ANXA6: variants seen among roughly 807,000 people sequenced by gnomAD.
ANXA6 encodes annexin A6.
In ANXA6, 71 loss-of-function variants were observed where a neutral mutation model predicts 95.4. That is an observed-to-expected ratio of 0.74 (90% CI 0.61 to 0.91). The LOEUF (loss-of-function observed/expected upper bound fraction) is 0.91. Ranked by LOEUF, ANXA6 falls within the 40% of genes least tolerant of loss-of-function variation. ANXA6 has a pLI of 0.00. For synonymous variants in ANXA6, 289 were observed against 315.9 expected, an observed-to-expected ratio of 0.91 and a Z score of 0.90; for missense variants, 830 against 876.4, an observed-to-expected ratio of 0.95 and a Z score of 0.67.
chr5:151,131,156 T>C, intron 11 of ANXA6, 75 bp downstream of exon 11: 3 of 1,520,356 alleles, frequency 2.0e-6, no homozygotes, highest in Non-Finnish European at 2.7e-6. Flanking sequence ...CTTTGGCCAC[T>C]GGATCCCAAG....
intron 20 of ANXA6, among the ~76,000 whole-genome samples, chr5:151,114,603 G>C (rs1305157945): frequency 1.0e-5 from 1 of 97,968 alleles, no homozygotes; most frequent in Non-Finnish European, 1.8e-5. Context: ...AACAGAGCGA[G>C]ACTCCGTCTT....
chr5:151,108,384 G>C lies in ANXA6; in HGVS notation c.1780+71C>G, dbSNP rs1764757433. 4 of 1,416,954 alleles carry C rather than the reference G, an allele frequency of 2.8e-6. No individual in the cohort carries two copies. The African/African-American group carries it at 5.6e-5, about 20-fold the overall frequency. 87.8% of individuals were successfully genotyped at this position (1,416,954 alleles called of 1,614,324 possible). On this transcript the variant is annotated intron_variant, in intron 23 of 25. Transcript: ENST00000354546. ...AGTAGTAGCTTCGGAGGCTGCCAAGGTTCTATTCTTCCAGAGAATCTGTTC... is the reference window on the plus strand; with the variant it reads ...AGTAGTAGCTTCGGAGGCTGCCAAGCTTCTATTCTTCCAGAGAATCTGTTC...
At chr5:151,141,817 T>G in intron 2 of ANXA6, 2 of 684,158 alleles carry the variant, frequency 2.9e-6, no homozygotes, top group Non-Finnish European at 3.6e-6. Flanking sequence ...ACATGCCGAA[T>G]ACCCAGAGCA....
intron 20 of ANXA6, among the ~76,000 whole-genome samples, chr5:151,114,613 TAAAAA>T (rs61407672): frequency 1.6e-4 from 11 of 70,318 alleles, no homozygotes; most frequent in East Asian, 1.0e-3. Flanking sequence ...GACTCCGTCT[TAAAAA>T]AAAAAAAAAA....
intron 20 of ANXA6, among the ~76,000 whole-genome samples, chr5:151,112,757 G>A (rs111921582): frequency 1.3e-5 from 2 of 152,328 alleles, no homozygotes; most frequent in African/African-American, 4.8e-5. Context: ...CTAGAAGGTG[G>A]AGGTTGCAGT....
intron 17 of ANXA6, among the ~76,000 whole-genome samples, chr5:151,121,609 GT>G: frequency 6.6e-6 from 1 of 152,322 alleles, no homozygotes; most frequent in Middle Eastern, 3.4e-3. Flanking sequence ...ATTGGGAAGT[GT>G]AAGGAATGGC....
At chr5:151,107,943 AGT>A (rs781314314) in intron 23 of ANXA6, among the ~76,000 whole-genome samples, 3 of 151,826 alleles carry the variant, frequency 2.0e-5, no homozygotes, top group African/African-American at 7.3e-5. Flanking sequence ...ATGTGTGCAT[AGT>A]GTGTGAGTGG....
At chr5:151,102,228 T>A (rs1764569461) in intron 25 of ANXA6, among the ~76,000 whole-genome samples, 2 of 152,206 alleles carry the variant, frequency 1.3e-5, no homozygotes. Context: ...TATTTTTTGA[T>A]GTATGATTTT....
intron 17 of ANXA6, among the ~76,000 whole-genome samples, chr5:151,120,769 G>C (rs1765146129): frequency 1.3e-5 from 2 of 152,144 alleles, no homozygotes; most frequent in South Asian, 4.1e-4. Flanking sequence ...TGTCCTCAAA[G>C]AGGTTACTGC....
chr5:151,108,422 C>T (rs1376364942), intron 23 of ANXA6, 33 bp downstream of exon 23: 1 of 1,575,402 alleles, frequency 6.3e-7, no homozygotes, highest in Non-Finnish European at 8.7e-7. Context: ...GTTCCCAGTG[C>T]CCCCAGCCCT....
intron 16 of ANXA6, among the ~76,000 whole-genome samples, 162 bp downstream of exon 16, chr5:151,122,755 C>T (rs943078004): frequency 6.6e-6 from 1 of 152,150 alleles, no homozygotes; most frequent in Non-Finnish European, 1.5e-5. Flanking sequence ...ATATGTCTGC[C>T]CAAACCCAGT....
At chr5:151,125,742 C>A (rs1315659303) in intron 14 of ANXA6, among the ~76,000 whole-genome samples, 1 of 152,164 alleles carries the variant, frequency 6.6e-6, no homozygotes, top group East Asian at 1.9e-4. Context: ...CTGCAAAGAT[C>A]TCTTGCCTTA....
chr5:151,140,959 C>A (rs143461323), intron 2 of ANXA6, among the ~76,000 whole-genome samples: 2 of 152,344 alleles, frequency 1.3e-5, no homozygotes, highest in East Asian at 3.9e-4. Flanking sequence ...GGGTGGGGTC[C>A]TGGGCACAGG....
rs756035026 is a variant in ANXA6 at position 151,132,480 on chromosome 5, G to A, written c.732C>T (p.Ala244=). Residue 244 remains alanine (A), a synonymous_variant, in exon 10 of 26, where the codon GCC becomes GCT. Transcript: ENST00000354546. ...GAATGCAACGTCAGGACATACCTAC[G>A]GCCAGCATTAGCTTCTCAAAGTCCC... ...LSGDFEKLML[A]VVKCIRSTPE... 6.3e-5 allele frequency: 102 copies of A among 1,610,930 alleles called. 1 individual carries two copies. Among genetic ancestry groups the A allele is most frequent in the Non-Finnish European group, 6.8e-5 (80 of 1,178,650 alleles).
At chr5:151,153,704 A>G (rs117481576) in intron 1 of ANXA6, among the ~76,000 whole-genome samples, 1 of 152,202 alleles carries the variant, frequency 6.6e-6, no homozygotes, top group African/African-American at 2.4e-5. Flanking sequence ...ATTCTAATAC[A>G]TACTCCTTGC....
chr5:151,146,059 G>A (rs1457529951), intron 2 of ANXA6, among the ~76,000 whole-genome samples: 2 of 152,108 alleles, frequency 1.3e-5, no homozygotes, highest in Non-Finnish European at 2.9e-5. Context: ...GTTCCCTAAG[G>A]CCCTGCCACC....
At position 151,108,504 on chromosome 5, in the gene ANXA6, G is replaced by T. The variant is rs773731360; in HGVS notation, c.1731C>A (p.Thr577=). Residue 577 remains threonine, a synonymous_variant, in exon 23 of 26, where the codon ACC becomes ACA. Coordinates refer to ENST00000354546, the MANE Select transcript of ANXA6 (RefSeq NM_001155.5). ...IKMTNYDVEH[T]IKKEMSGDVR... Reference sequence around the variant, plus strand: ...CATCCCCAGACATCTCCTTCTTGATGGTGTGCTCCACGTCATAGTTGGTCA... The same window carrying T: ...CATCCCCAGACATCTCCTTCTTGATTGTGTGCTCCACGTCATAGTTGGTCA... 2 of 1,613,934 alleles carry T rather than the reference G, an allele frequency of 1.2e-6. No homozygotes were observed. The highest frequency in any genetic ancestry group is 2.2e-5 in the East Asian group (1 of 44,878).
intron 18 of ANXA6, among the ~76,000 whole-genome samples, chr5:151,118,571 C>A (rs544934660): frequency 6.6e-5 from 10 of 152,176 alleles, no homozygotes; most frequent in South Asian, 6.2e-4. Flanking sequence ...GTAGCTGGGG[C>A]TACAGGCGCA....
intron 12 of ANXA6, 25 bp from the exon 13 acceptor site, chr5:151,128,264 C>T (rs1363258328): frequency 1.3e-6 from 2 of 1,591,590 alleles, no homozygotes. Flanking sequence ...AGAAAGGTTA[C>T]CTCTCACCCA....
Sources: allele counts gnomAD v4.1 joint callset (sites outside exome capture counted in the v4.1 genomes callset), GRCh38; gene constraint gnomAD v4.1.1; transcripts MANE v1.5; gene names NCBI Gene and HGNC (gene_info 2026-07-23, HGNC 2026-07-21).